The following STPG2 variants were observed in gnomAD, a reference collection of about 807,000 sequenced individuals.
STPG2 encodes the protein sperm tail PG-rich repeat containing 2.
In STPG2, 56 loss-of-function variants were observed where a neutral mutation model predicts 54.2. The observed-to-expected ratio is 1.03, with a 90% CI of 0.83 to 1.29. STPG2 has a LOEUF of 1.29. Among genes scored for constraint, STPG2 ranks in the 50% most tolerant of loss-of-function variants. The pLI is 0.00. For synonymous variants in STPG2, 200 were observed against 181.8 expected (o/e 1.10, Z -0.81); for missense variants, 596 against 544.9 (o/e 1.09, Z -0.93).
intron 8 of STPG2, among the ~76,000 whole-genome samples, chr4:97,887,245 G>C (rs1730611170): frequency 6.6e-6 from 1 of 152,130 alleles, no homozygotes; most frequent in Admixed American, 6.5e-5. Flanking sequence ...AGAGTGTGAA[G>C]GGCTCACAAG....
At position 98,088,412 on chromosome 4, in the gene STPG2, G is replaced by A. The variant is rs1738590394; in HGVS notation, c.612+17541C>T. On this transcript the variant is annotated intron_variant, in intron 5 of 10. Coordinates refer to ENST00000295268, the MANE Select transcript of STPG2 (RefSeq NM_174952.3). ...TTTCTAATTGTTTCCTGTATGTGAT[G>A]TATGTCTCCAACTAGGTGACAAATA... 1.3e-5 allele frequency among the ~76,000 whole-genome samples: 2 copies of A among 152,046 alleles called. 1 individual carries two copies. The highest frequency in any genetic ancestry group is 1.3e-4 in the Admixed American group (2 of 15,264).
chr4:97,959,190 T>C (rs1733794873), intron 7 of STPG2, among the ~76,000 whole-genome samples: 1 of 151,928 alleles, frequency 6.6e-6, no homozygotes, highest in South Asian at 2.1e-4. Context: ...AGTAACACAA[T>C]CTAACAATAC....
chr4:97,740,663 A>G (rs1725194177), intron 9 of STPG2, among the ~76,000 whole-genome samples: 2 of 152,178 alleles, frequency 1.3e-5, no homozygotes, highest in Admixed American at 6.6e-5. Context: ...AAGGGATGTG[A>G]AGGACCTCTT....
At chr4:97,749,042 A>T (rs1244505715) in intron 9 of STPG2, among the ~76,000 whole-genome samples, 2 of 151,628 alleles carry the variant, frequency 1.3e-5, no homozygotes, top group Non-Finnish European at 3.0e-5. Flanking sequence ...AAGCTCTTAT[A>T]TAAAGCAGAT....
intron 8 of STPG2, among the ~76,000 whole-genome samples, chr4:97,909,010 T>TATA (rs56703020): frequency 0.39 from 56,271 of 142,980 alleles, 11,373 homozygotes; most frequent in East Asian, 0.62. Flanking sequence ...AAACTTAAAG[T>TATA]ATAATAATAA....
At chr4:97,686,240 C>A (rs866284533) in intron 10 of STPG2, among the ~76,000 whole-genome samples, 3 of 135,342 alleles carry the variant, frequency 2.2e-5, no homozygotes, top group Non-Finnish European at 3.3e-5. Flanking sequence ...TTTTCTTTTT[C>A]TTTTCCTCTT....
intron 5 of STPG2, among the ~76,000 whole-genome samples, chr4:98,012,927 C>G (rs1735804415): frequency 6.6e-6 from 1 of 152,156 alleles, no homozygotes. Context: ...CTCTTCCTAT[C>G]TGAATACTCT....
intron 4 of STPG2, among the ~76,000 whole-genome samples, chr4:97,535,997 G>T (rs1446640855): frequency 2.0e-5 from 3 of 151,990 alleles, no homozygotes; most frequent in Admixed American, 6.6e-5. Flanking sequence ...ACAGGGCCTG[G>T]CTATGTTTCT....
chr4:98,121,563 T>C (rs1020045232), intron 3 of STPG2, among the ~76,000 whole-genome samples: 4 of 152,200 alleles, frequency 2.6e-5, no homozygotes, highest in Non-Finnish European at 4.4e-5. Context: ...TCTGGCTTCC[T>C]TGAGCAGAGG....
At chr4:98,115,917 C>T (rs1438706746) in intron 3 of STPG2, among the ~76,000 whole-genome samples, 1 of 151,830 alleles carries the variant, frequency 6.6e-6, no homozygotes, top group Non-Finnish European at 1.5e-5. Flanking sequence ...TTAAACTTTG[C>T]TGAATCTTCT....
chr4:97,525,352 AC>A (rs1731260820), intron 4 of STPG2, among the ~76,000 whole-genome samples: 1 of 151,970 alleles, frequency 6.6e-6, no homozygotes, highest in Non-Finnish European at 1.5e-5. Flanking sequence ...AGAGAAGATT[AC>A]ATGTAGACAA....
At chr4:97,506,248 C>T (rs1730841989) in intron 4 of STPG2, among the ~76,000 whole-genome samples, 1 of 151,856 alleles carries the variant, frequency 6.6e-6, no homozygotes. Context: ...AGAGACTCTA[C>T]AATTTTTGTG....
At chr4:97,630,394 A>C (rs1294714310) in intron 10 of STPG2, among the ~76,000 whole-genome samples, 1 of 151,876 alleles carries the variant, frequency 6.6e-6, no homozygotes, top group Non-Finnish European at 1.5e-5. Context: ...TATTACATAC[A>C]ATGTAGCAAA....
chr4:97,736,281 C>A (rs942298536), intron 9 of STPG2, among the ~76,000 whole-genome samples: 1 of 152,166 alleles, frequency 6.6e-6, no homozygotes, highest in South Asian at 2.1e-4. Context: ...GTGTGAGCGA[C>A]GCAGAAGATG....
At position 97,895,034 on chromosome 4, in the gene STPG2, G is replaced by A. The variant is rs17468544; in HGVS notation, c.1044+48863C>T. Among the ~76,000 whole-genome samples the A allele has an allele frequency of 6.1e-3, 922 of 151,850 alleles. 2 individuals are homozygous for A. The highest frequency in any genetic ancestry group is 0.01 in the Non-Finnish European group (708 of 67,794). On this transcript the variant is annotated intron_variant, in intron 8 of 10. Coordinates refer to ENST00000295268, the MANE Select transcript of STPG2 (RefSeq NM_174952.3). ...TAAATAAAATCACACAGCTCAAACA[G>A]AACATAAGAATACTGTGTTTATTTC...
intron 4 of STPG2, among the ~76,000 whole-genome samples, chr4:97,519,639 A>G (rs1253667930): frequency 6.6e-6 from 1 of 152,110 alleles, no homozygotes; most frequent in Non-Finnish European, 1.5e-5. Flanking sequence ...GCATAGAGGG[A>G]TGATCCTGGT....
intron 8 of STPG2, among the ~76,000 whole-genome samples, chr4:97,905,071 G>A (rs1731351392): frequency 6.6e-6 from 1 of 151,880 alleles, no homozygotes; most frequent in Non-Finnish European, 1.5e-5. Context: ...ATCTAGCAAG[G>A]CAGGCCAACA....
chr4:97,791,668 C>T (rs754358847), intron 9 of STPG2, among the ~76,000 whole-genome samples: 1 of 151,990 alleles, frequency 6.6e-6, no homozygotes. Context: ...AATACCTCTA[C>T]TATTATCAGG....
At chr4:97,774,027 C>G (rs1469465858) in intron 9 of STPG2, among the ~76,000 whole-genome samples, 18 of 91,308 alleles carry the variant, frequency 2.0e-4, no homozygotes, top group Non-Finnish European at 4.4e-4. Context: ...GTGTGTGTGT[C>G]AGAAAGACTG....
Sources: allele counts gnomAD v4.1 joint callset (sites outside exome capture counted in the v4.1 genomes callset), GRCh38; gene constraint gnomAD v4.1.1; transcripts MANE v1.5; gene names NCBI Gene and HGNC (gene_info 2026-07-23, HGNC 2026-07-21).